Variants in COL28A1 observed in about 807,000 individuals in gnomAD.
COL28A1 encodes the protein collagen type XXVIII alpha 1 chain, also known as collagen alpha-1(XXVIII) chain.
In COL28A1, 161 loss-of-function variants were observed where a neutral mutation model predicts 150.2. The observed-to-expected ratio is 1.07, with a 90% CI of 0.94 to 1.22. The LOEUF is 1.22. COL28A1 is among the 50% of genes most tolerant of loss of function. COL28A1 has a pLI of 0.00. For synonymous variants in COL28A1, 552 were observed against 469.7 expected (o/e 1.18, Z -2.26); for missense variants, 1,617 against 1,388.3 (o/e 1.16, Z -2.62).
intron 33 of COL28A1, among the ~76,000 whole-genome samples, chr7:7,366,623 C>T (rs1389779996): frequency 7.2e-5 from 11 of 152,100 alleles, no homozygotes; most frequent in Admixed American, 2.0e-4. Flanking sequence ...ATGTTTTTCA[C>T]GATCACGGTG....
chr7:7,537,871 T>C (rs1782703728), upstream of COL28A1, among the ~76,000 whole-genome samples: 2 of 152,206 alleles, frequency 1.3e-5, no homozygotes, highest in African/African-American at 4.8e-5. Context: ...AAGTAGCATC[T>C]TTTCAGGTCA....
chr7:7,508,281 A>G (rs906551044), intron 9 of COL28A1, among the ~76,000 whole-genome samples: 1 of 152,038 alleles, frequency 6.6e-6, no homozygotes, highest in African/African-American at 2.4e-5. Flanking sequence ...AACTCATAGT[A>G]AACAGATAAT....
chr7:7,462,720 G>A (rs943708992), intron 15 of COL28A1, among the ~76,000 whole-genome samples: 10 of 152,044 alleles, frequency 6.6e-5, no homozygotes, highest in South Asian at 2.1e-4. Context: ...TTAGCCGGGC[G>A]TGGTGGCACA....
chr7:7,352,329 G>C (rs1418008935), downstream of COL28A1, among the ~76,000 whole-genome samples: 1 of 152,170 alleles, frequency 6.6e-6, no homozygotes, highest in Non-Finnish European at 1.5e-5. Context: ...AGCTGTTGTG[G>C]CAGATTGAAT....
At chr7:7,482,517 C>G (rs1779390514) in intron 13 of COL28A1, among the ~76,000 whole-genome samples, 1 of 145,544 alleles carries the variant, frequency 6.9e-6, no homozygotes, top group Non-Finnish European at 1.5e-5. Flanking sequence ...AAGAGTGAGA[C>G]TCTGTCTCAG....
At chr7:7,498,334 T>C (rs1312975328) in intron 11 of COL28A1, among the ~76,000 whole-genome samples, 1 of 152,058 alleles carries the variant, frequency 6.6e-6, no homozygotes, top group Non-Finnish European at 1.5e-5. Context: ...ACAAAATGAG[T>C]TGCTGGTAAA....
At position 7,381,570 on chromosome 7, in the gene COL28A1, T is replaced by C. The variant is rs1781874186; in HGVS notation, c.2179A>G (p.Met727Val). Reference protein sequence around the residue: ...PQGFPGPKGTMGHGLPGQKGE... With the variant: ...PQGFPGPKGTVGHGLPGQKGE... ...TTCTGGCCTGGGAGGCCATGGCCCA[T>C]TGTGCCCTTTGGGCCTGGGAAGCCT... The change falls in exon 28 of 35, where the codon ATG (methionine) becomes GTG (valine). Residue 727 changes from methionine (M) to valine (V), a missense_variant. Physicochemically the swap from Met to Val is conservative, Grantham distance 21. Transcript: ENST00000399429. The C allele has an allele frequency of 1.9e-6, 3 of 1,613,848 alleles. No individual in the cohort carries two copies. The highest frequency in any genetic ancestry group is 2.2e-5 in the East Asian group (1 of 44,864).
At chr7:7,380,601 T>C (rs150868936) in intron 30 of COL28A1, 59 bp downstream of exon 30, 1 of 1,438,040 alleles carries the variant, frequency 7.0e-7, no homozygotes, top group Non-Finnish European at 9.7e-7. Flanking sequence ...AGCTAAAGCA[T>C]GAATGCAACA....
At chr7:7,345,344 T>C in the COL28A1 span, among the ~76,000 whole-genome samples, 11 of 152,054 alleles carry the variant, frequency 7.2e-5, no homozygotes, top group African/African-American at 2.7e-4. Context: ...TGTTCATTAT[T>C]ATCTTGTGTT....
intron 8 of COL28A1, among the ~76,000 whole-genome samples, chr7:7,514,123 G>A (rs1781295935): frequency 1.3e-5 from 2 of 152,158 alleles, no homozygotes; most frequent in African/African-American, 4.8e-5. Context: ...AAAAATATAT[G>A]TATAAAGCTT....
intron 13 of COL28A1, among the ~76,000 whole-genome samples, chr7:7,482,299 C>T (rs953574324): frequency 8.6e-5 from 13 of 151,936 alleles, no homozygotes; most frequent in East Asian, 3.9e-4. Flanking sequence ...CTGAGGTGGG[C>T]GGATTACCTG....
chr7:7,355,314 G>A (rs912797762), downstream of COL28A1, among the ~76,000 whole-genome samples: 8 of 152,136 alleles, frequency 5.3e-5, no homozygotes, highest in South Asian at 4.1e-4. Flanking sequence ...CCAGAGAAAC[G>A]TAAATAAAAA....
chr7:7,530,478 G>C (rs1249824806), intron 3 of COL28A1, among the ~76,000 whole-genome samples: 1 of 152,180 alleles, frequency 6.6e-6, no homozygotes, highest in African/African-American at 2.4e-5. Flanking sequence ...GAAACGCTCA[G>C]TACATAAAGG....
intron 27 of COL28A1, among the ~76,000 whole-genome samples, chr7:7,400,697 A>G (rs1783126478): frequency 6.6e-6 from 1 of 151,952 alleles, no homozygotes; most frequent in Non-Finnish European, 1.5e-5. Context: ...TAAAAAAAAA[A>G]AACCTTCCTT....
At chr7:7,399,214 C>A (rs1783020681) in intron 27 of COL28A1, among the ~76,000 whole-genome samples, 1 of 152,236 alleles carries the variant, frequency 6.6e-6, no homozygotes, top group South Asian at 2.1e-4. Flanking sequence ...TGTGTTCTGA[C>A]CTCTGTGCTT....
intron 27 of COL28A1, among the ~76,000 whole-genome samples, chr7:7,389,154 C>G (rs1045007160): frequency 1.3e-5 from 2 of 152,048 alleles, no homozygotes; most frequent in Middle Eastern, 3.4e-3. Flanking sequence ...GTCTTTAATC[C>G]ATCTTGAGTT....
chr7:7,402,446 C>G (rs1342181323), intron 27 of COL28A1, among the ~76,000 whole-genome samples: 1 of 152,136 alleles, frequency 6.6e-6, no homozygotes, highest in Non-Finnish European at 1.5e-5. Flanking sequence ...ATCTCAAATA[C>G]AATTCATTGT....
intron 27 of COL28A1, chr7:7,417,502 AGGGG>A (rs1416888333): frequency 5.4e-6 from 1 of 185,168 alleles, no homozygotes; most frequent in African/African-American, 5.4e-5. Flanking sequence ...GGAAGGAGGG[AGGGG>A]GAGGGAAGGA....
intron 33 of COL28A1, among the ~76,000 whole-genome samples, chr7:7,368,390 T>TTTTTTTTTGTTTTTTG (rs1781048127): frequency 3.5e-4 from 1 of 2,884 alleles, no homozygotes; most frequent in African/African-American, 1.5e-3. Flanking sequence ...TTGCCTACTG[T>TTTTTTTTTGTTTTTTG]TTTTTTTGTT....
Sources: gnomAD v4.1 joint callset for allele counts (sites outside exome capture counted in the v4.1 genomes callset) on GRCh38, gnomAD v4.1.1 for gene constraint, MANE v1.5 for transcripts, NCBI Gene and HGNC (gene_info 2026-07-23, HGNC 2026-07-21) for gene names.